Variants in KIZ observed in about 807,000 individuals in gnomAD.
The protein encoded by KIZ is kizuna centrosomal protein, also known as centrosomal protein kizuna.
Under a neutral mutation model 79.6 loss-of-function variants are expected in KIZ, and 68 were observed. The observed-to-expected ratio is 0.85, with a 90% CI of 0.70 to 1.05. KIZ has a LOEUF of 1.05. Among genes scored for constraint, KIZ ranks in the 50% least tolerant of loss-of-function variants. The probability of loss-of-function intolerance (pLI) is 0.00; values close to 1 mark genes in which losing one functional copy is unlikely to be tolerated. For synonymous variants in KIZ, 280 were observed against 281.8 expected, an observed-to-expected ratio of 0.99 and a Z score of 0.06; for missense variants, 797 against 800.4, an observed-to-expected ratio of 1.00 and a Z score of 0.05.
chr20:21,230,523 C>T (rs1012153207), intron 10 of KIZ, among the ~76,000 whole-genome samples: 2 of 152,164 alleles, frequency 1.3e-5, no homozygotes, highest in South Asian at 2.1e-4. Flanking sequence ...GACATACTTA[C>T]AGTACATCAG....
intron 6 of KIZ, chr20:21,195,419 A>G (rs931358390): frequency 3.3e-5 from 5 of 152,264 alleles, no homozygotes; most frequent in South Asian, 2.1e-4. Flanking sequence ...AAGGATGGCA[A>G]AGATAAAATA....
chr20:21,172,732 TG>T (rs1165829435), intron 6 of KIZ, among the ~76,000 whole-genome samples: 3 of 151,982 alleles, frequency 2.0e-5, no homozygotes, highest in African/African-American at 7.2e-5. Context: ...GGACCTGAAG[TG>T]GGAGAGTTGG....
At chr20:21,132,054 G>A in intron 1 of KIZ, 43 bp from the exon 2 acceptor site, 7 of 835,330 alleles carry the variant, frequency 8.4e-6, no homozygotes, top group Non-Finnish European at 1.4e-5. Flanking sequence ...CCAACTCCCT[G>A]TTACTTATCA....
At chr20:21,237,934 A>C (rs2037077309) in intron 11 of KIZ, among the ~76,000 whole-genome samples, 1 of 152,044 alleles carries the variant, frequency 6.6e-6, no homozygotes, top group African/African-American at 2.4e-5. Flanking sequence ...GGCTCAAGCA[A>C]CCCTCCCACC....
At chr20:21,208,441 C>T (rs1216170873) in intron 7 of KIZ, among the ~76,000 whole-genome samples, 9 of 152,174 alleles carry the variant, frequency 5.9e-5, no homozygotes, top group African/African-American at 2.2e-4. Context: ...CGGTGGCTTA[C>T]GCCTGTAATC....
chr20:21,181,500 C>A (rs1327534948), intron 6 of KIZ, among the ~76,000 whole-genome samples: 1 of 151,880 alleles, frequency 6.6e-6, no homozygotes, highest in East Asian at 1.9e-4. Flanking sequence ...ACTCTGTCAC[C>A]CATACCAGAG....
intron 6 of KIZ, among the ~76,000 whole-genome samples, chr20:21,170,589 C>T (rs1267500168): frequency 2.6e-5 from 4 of 152,064 alleles, no homozygotes; most frequent in Admixed American, 6.6e-5. Flanking sequence ...GGGGTTTCAC[C>T]GTGTTAGCCA....
chr20:21,167,328 G>T (rs4625995), intron 6 of KIZ, among the ~76,000 whole-genome samples: 1 of 151,972 alleles, frequency 6.6e-6, no homozygotes, highest in Non-Finnish European at 1.5e-5. Context: ...ACATGTTCAG[G>T]GTTCCTTGTG....
chr20:21,205,691 C>T (rs894049947), intron 7 of KIZ, 107 bp downstream of exon 7: 15 of 547,188 alleles, frequency 2.7e-5, no homozygotes, highest in South Asian at 1.6e-4. Flanking sequence ...GGCCAGGCGC[C>T]GTGGCTCACG....
At chr20:21,216,188 C>T (rs987738674) in intron 9 of KIZ, among the ~76,000 whole-genome samples, 25 of 152,212 alleles carry the variant, frequency 1.6e-4, no homozygotes, top group Admixed American at 5.9e-4. Flanking sequence ...GGAATCTGAA[C>T]GATATCATTA....
At chr20:21,141,817 A>ACT (rs1163730873) in intron 3 of KIZ, among the ~76,000 whole-genome samples, 3 of 139,472 alleles carry the variant, frequency 2.2e-5, no homozygotes, top group African/African-American at 9.2e-5. Context: ...ACACACACAC[A>ACT]CACACACTCT....
intron 9 of KIZ, among the ~76,000 whole-genome samples, chr20:21,222,246 C>T (rs1600584719): frequency 1.3e-5 from 2 of 152,204 alleles, no homozygotes; most frequent in African/African-American, 2.4e-5. Flanking sequence ...GAGAGATGAA[C>T]TCATAAATGC....
chr20:21,135,321 T>C (rs2032122243), intron 2 of KIZ, among the ~76,000 whole-genome samples: 3 of 152,188 alleles, frequency 2.0e-5, no homozygotes, highest in African/African-American at 7.2e-5. Context: ...TGCCTGAGTG[T>C]GAACGACAGT....
At chr20:21,190,229 G>C (rs530021811) in intron 6 of KIZ, among the ~76,000 whole-genome samples, 1 of 152,182 alleles carries the variant, frequency 6.6e-6, no homozygotes, top group Admixed American at 6.5e-5. Flanking sequence ...AGCAAATTGC[G>C]CTGGCTTTAT....
intron 6 of KIZ, among the ~76,000 whole-genome samples, chr20:21,169,265 A>T (rs537178509): frequency 6.3e-4 from 96 of 152,286 alleles, no homozygotes; most frequent in African/African-American, 2.1e-3. Flanking sequence ...AAAAGTGGGC[A>T]AAGGATATGA....
In KIZ at chr20:21,126,151, G is replaced by C. The variant is rs1381383371; in HGVS notation, c.36G>C (p.Ser12=). The change falls in exon 1 of 13, where the codon TCG becomes TCC. Residue 12 remains serine (S), a synonymous_variant. Coordinates refer to ENST00000619189, the MANE Select transcript of KIZ (RefSeq NM_018474.6). ...SRTLASAVPL[S]SPDYYERLGQ... ...CCCTCGCATCGGCCGTGCCCCTGTCGAGTCCCGACTACTACGAGAGGCTGG... is the reference window on the plus strand; with the variant it reads ...CCCTCGCATCGGCCGTGCCCCTGTCCAGTCCCGACTACTACGAGAGGCTGG... 16 of 1,513,016 alleles carry C rather than the reference G, an allele frequency of 1.1e-5. No homozygotes were observed. The Admixed American group carries it at 3.2e-4, about 30-fold the overall frequency. The allele number at this position is 1,513,016 out of a possible 1,614,324, so 93.7% of individuals were successfully genotyped here. A position where few individuals can be genotyped will look rare whatever the true frequency, so the allele number is the denominator to read the frequency against.
intron 7 of KIZ, among the ~76,000 whole-genome samples, chr20:21,209,278 T>C (rs2035965221): frequency 6.6e-6 from 1 of 152,242 alleles, no homozygotes. Context: ...TGCCTGCTTT[T>C]AAATTGGAAA....
At chr20:21,156,181 T>C (rs2033373422) in intron 4 of KIZ, among the ~76,000 whole-genome samples, 1 of 152,210 alleles carries the variant, frequency 6.6e-6, no homozygotes, top group Non-Finnish European at 1.5e-5. Context: ...ATTGTTACCA[T>C]CTTACATTAC....
At chr20:21,161,817 C>CA in intron 4 of KIZ, 54 bp from the exon 5 acceptor site, 4 of 1,285,856 alleles carry the variant, frequency 3.1e-6, no homozygotes, top group East Asian at 2.4e-5. Flanking sequence ...AAAAAAACCC[C>CA]ACCTAATTGT....
Sources: allele counts gnomAD v4.1 joint callset (sites outside exome capture counted in the v4.1 genomes callset), GRCh38; gene constraint gnomAD v4.1.1; transcripts MANE v1.5; gene names NCBI Gene and HGNC (gene_info 2026-07-23, HGNC 2026-07-21).